CYP39A1: variants seen among roughly 807,000 people sequenced by gnomAD.
The protein encoded by CYP39A1 is cytochrome P450 family 39 subfamily A member 1, also known as 24-hydroxycholesterol 7-alpha-hydroxylase.
A neutral mutation model predicts 58.1 loss-of-function variants in CYP39A1; 49 were observed. The ratio of observed to expected loss-of-function variants is 0.84; its 90% confidence interval spans 0.67 to 1.07. The LOEUF (loss-of-function observed/expected upper bound fraction) is 1.07, where lower values mean the gene tolerates loss of function less well. Among genes scored for constraint, CYP39A1 ranks in the 50% least tolerant of loss-of-function variants. The pLI is 0.00. For missense variants in CYP39A1, 531 were observed against 539.4 expected (o/e 0.98, Z 0.16); for synonymous variants, 209 against 187.6 (o/e 1.11, Z -0.93).
chr6:46,558,734 A>C (rs567851335), intron 10 of CYP39A1, among the ~76,000 whole-genome samples: 138 of 152,330 alleles, frequency 9.1e-4, no homozygotes, highest in African/African-American at 3.2e-3. Flanking sequence ...ACGGTGGCTC[A>C]TGCCTATAAT....
At chr6:46,613,594 A>C (rs1342386098) in intron 7 of CYP39A1, among the ~76,000 whole-genome samples, 2 of 152,212 alleles carry the variant, frequency 1.3e-5, no homozygotes, top group Non-Finnish European at 2.9e-5. Context: ...ACTGATCAGC[A>C]AAAAAATAAA....
intron 1 of CYP39A1, among the ~76,000 whole-genome samples, chr6:46,650,389 T>A (rs1478035595): frequency 6.6e-6 from 1 of 150,826 alleles, no homozygotes; most frequent in Non-Finnish European, 1.5e-5. Flanking sequence ...CTGGCTTTTT[T>A]TTTTATCATA....
intron 1 of CYP39A1, among the ~76,000 whole-genome samples, chr6:46,648,820 A>G (rs1447747841): frequency 6.6e-6 from 1 of 152,182 alleles, no homozygotes; most frequent in East Asian, 1.9e-4. Context: ...GTTAAAAAAA[A>G]AAACAAATAA....
Position 46,650,614 on chromosome 6 carries a change from C to T in CYP39A1, c.177+1792G>A, listed in dbSNP as rs1043967552. On this transcript the variant is annotated intron_variant, in intron 1 of 11. Transcript: ENST00000275016. The stretch of plus-strand genomic sequence containing the variant: ...GAACTCCTGAGCTCAAGCAATCCTC[C>T]CGCCTCAGCCTCTCGAGGAGCTGGG... Among the ~76,000 whole-genome samples, 5 of 150,700 alleles carry T rather than the reference C, an allele frequency of 3.3e-5. No homozygotes were observed. The East Asian group carries it at 9.8e-4, about 30-fold the overall frequency.
chr6:46,632,477 T>C (rs958606608), intron 5 of CYP39A1, among the ~76,000 whole-genome samples: 4 of 151,832 alleles, frequency 2.6e-5, no homozygotes, highest in African/African-American at 9.7e-5. Context: ...TTTTTTTTTT[T>C]CTTAGGTTCA....
At chr6:46,596,573 T>C (rs894939729) in intron 7 of CYP39A1, among the ~76,000 whole-genome samples, 1 of 152,098 alleles carries the variant, frequency 6.6e-6, no homozygotes, top group Non-Finnish European at 1.5e-5. Flanking sequence ...GCTTTTTTTT[T>C]TCCCCCTAAA....
intron 7 of CYP39A1, among the ~76,000 whole-genome samples, chr6:46,610,533 G>A (rs1774148900): frequency 6.6e-6 from 1 of 151,790 alleles, no homozygotes; most frequent in Admixed American, 6.6e-5. Context: ...TTTTCATAGA[G>A]ACAATCTCAC....
chr6:46,566,183 G>A (rs1191114207), intron 10 of CYP39A1, among the ~76,000 whole-genome samples: 1 of 152,146 alleles, frequency 6.6e-6, no homozygotes, highest in African/African-American at 2.4e-5. Flanking sequence ...TGTTCTAATG[G>A]TGATCCTATG....
intron 10 of CYP39A1, among the ~76,000 whole-genome samples, chr6:46,575,677 A>G (rs1016443065): frequency 5.3e-5 from 8 of 152,176 alleles, no homozygotes; most frequent in Admixed American, 1.3e-4. Flanking sequence ...GCTCCAGTCA[A>G]GTGTTGTTGC....
chr6:46,612,746 C>A (rs1171328978), intron 7 of CYP39A1, among the ~76,000 whole-genome samples: 3 of 152,194 alleles, frequency 2.0e-5, no homozygotes, highest in Non-Finnish European at 4.4e-5. Context: ...ACTGGAGCGT[C>A]CTTGGCTCTG....
chr6:46,557,663 G>T (rs1024650437), intron 10 of CYP39A1, among the ~76,000 whole-genome samples: 1 of 147,950 alleles, frequency 6.8e-6, no homozygotes, highest in African/African-American at 2.5e-5. Flanking sequence ...AAAAAGCAAG[G>T]CACAGTGGCT....
chr6:46,626,091 G>GA (rs553640812), intron 6 of CYP39A1, among the ~76,000 whole-genome samples: 2 of 151,372 alleles, frequency 1.3e-5, no homozygotes, highest in South Asian at 2.1e-4. Flanking sequence ...GTAAATAAAA[G>GA]AAAAAAAATT....
chr6:46,598,497 A>C (rs1172898074), intron 7 of CYP39A1, among the ~76,000 whole-genome samples: 11 of 152,148 alleles, frequency 7.2e-5, no homozygotes. Context: ...ACACCATGGA[A>C]AGACAGGGGT....
intron 7 of CYP39A1, among the ~76,000 whole-genome samples, chr6:46,607,795 T>C (rs899722505): frequency 6.6e-6 from 1 of 152,162 alleles, no homozygotes; most frequent in African/African-American, 2.4e-5. Flanking sequence ...ATAAAATCCT[T>C]CCAAGATTTA....
In CYP39A1 at chr6:46,550,010, A is replaced by G. The variant is rs111597896; in HGVS notation, c.*356T>C. 1,259 of 170,622 alleles carry G rather than the reference A, an allele frequency of 7.4e-3. 22 individuals are homozygous for G. Among genetic ancestry groups the G allele is most frequent in the African/African-American group, 0.028 (1,190 of 42,348 alleles). 10.6% of individuals were successfully genotyped at this position (170,622 alleles called of 1,614,324 possible). On this transcript the variant is annotated 3_prime_UTR_variant, in exon 12 of 12. Coordinates refer to ENST00000275016, the MANE Select transcript of CYP39A1 (RefSeq NM_016593.5). ...ATAAAAATTTAAGTATGCTGCCTTCACAGTGAATTTAATGTGATAAGATTT... is the reference window on the plus strand; with the variant it reads ...ATAAAAATTTAAGTATGCTGCCTTCGCAGTGAATTTAATGTGATAAGATTT...
chr6:46,604,196 C>A (rs1239190981), intron 7 of CYP39A1, among the ~76,000 whole-genome samples: 1 of 152,170 alleles, frequency 6.6e-6, no homozygotes, highest in Non-Finnish European at 1.5e-5. Flanking sequence ...TTAAGGAAAT[C>A]AATTCCCTGA....
Position 46,639,680 on chromosome 6 carries a change from G to C in CYP39A1, c.314-12C>G, listed in dbSNP as rs376212663. 45 of 1,602,230 alleles carry C rather than the reference G, an allele frequency of 2.8e-5. No homozygotes were observed. Among genetic ancestry groups the C allele is most frequent in the Non-Finnish European group, 3.7e-5 (43 of 1,173,788 alleles). On this transcript the variant is annotated splice_polypyrimidine_tract_variant and intron_variant, in intron 2 of 11. Coordinates refer to ENST00000275016, the MANE Select transcript of CYP39A1 (RefSeq NM_016593.5). ...CTTTGGAATTGATGCTATGAACAAA[G>C]AAAACTATTTTCAAAATAAGCAACA...
chr6:46,549,713 CA>C lies in CYP39A1; in HGVS notation c.*652del, dbSNP rs1471798458. On this transcript the variant is annotated 3_prime_UTR_variant, in exon 12 of 12. Coordinates refer to ENST00000275016, the MANE Select transcript of CYP39A1 (RefSeq NM_016593.5). ...TTAAAATATAAATCAATACATCAAT[CA>C]ACATACATTTATTGAATATACTCTG... The C allele has an allele frequency of 6.6e-6, 1 of 152,130 alleles. No individual in the cohort carries two copies. The highest frequency in any genetic ancestry group is 1.5e-5 in the Non-Finnish European group (1 of 68,000). 9.4% of individuals were successfully genotyped at this position (152,130 alleles called of 1,614,324 possible).
intron 7 of CYP39A1, among the ~76,000 whole-genome samples, chr6:46,597,673 T>C (rs1210511745): frequency 6.6e-6 from 1 of 151,894 alleles, no homozygotes; most frequent in African/African-American, 2.4e-5. Context: ...TGGCAATGGG[T>C]CCAGTTTGCC....
Sources: allele counts gnomAD v4.1 joint callset (sites outside exome capture counted in the v4.1 genomes callset), GRCh38; gene constraint gnomAD v4.1.1; transcripts MANE v1.5; gene names NCBI Gene and HGNC (gene_info 2026-07-23, HGNC 2026-07-21).